GRK5: variants seen among roughly 807,000 people sequenced by gnomAD.
GRK5 encodes the protein G protein-coupled receptor kinase 5.
In GRK5, 40 loss-of-function variants were observed where a neutral mutation model predicts 78.4. The observed-to-expected ratio is 0.51, with a 90% CI of 0.40 to 0.66. The LOEUF (loss-of-function observed/expected upper bound fraction) is 0.66. Ranked by LOEUF, GRK5 falls within the 30% of genes least tolerant of loss-of-function variation. GRK5 has a pLI of 0.00. For synonymous variants in GRK5, 289 were observed against 296.8 expected (o/e 0.97, Z 0.27); for missense variants, 598 against 759.9 (o/e 0.79, Z 2.50).
chr10:119,423,018 C>T (rs1852600863), intron 4 of GRK5, 148 bp from the exon 5 acceptor site: 1 of 676,692 alleles, frequency 1.5e-6, no homozygotes, highest in Non-Finnish European at 2.7e-6. Flanking sequence ...CTGGAGGGGG[C>T]AGCAGGTCAC....
chr10:119,306,681 G>A (rs1050391503), intron 1 of GRK5, among the ~76,000 whole-genome samples: 5 of 152,112 alleles, frequency 3.3e-5, no homozygotes, highest in African/African-American at 4.8e-5. Flanking sequence ...GAGGTGTCAC[G>A]TCTGCCTGAG....
rs945054425 is a variant in GRK5 at position 119,457,703 on chromosome 10, T to C, written c.*2636T>C. ...GCTGCATTTTTTTTTTTTTTTTTTT[T>C]TGAGACAAGATCTCATTGTGTTCCC... On this transcript the variant is annotated 3_prime_UTR_variant, in exon 16 of 16. Coordinates refer to ENST00000392870, the MANE Select transcript of GRK5 (RefSeq NM_005308.3). The C allele has an allele frequency of 2.8e-5, 3 of 106,480 alleles. No individual in the cohort carries two copies. Among genetic ancestry groups the C allele is most frequent in the African/African-American group, 9.1e-5 (3 of 33,128 alleles). The allele number at this position is 106,480 out of a possible 1,614,324, so 6.6% of individuals were successfully genotyped here. A position where few individuals can be genotyped will look rare whatever the true frequency, so the allele number is the denominator to read the frequency against.
chr10:119,440,264 G>T (rs1298949696), intron 10 of GRK5, among the ~76,000 whole-genome samples: 2 of 152,082 alleles, frequency 1.3e-5, no homozygotes, highest in Non-Finnish European at 2.9e-5. Flanking sequence ...AATGTCTCAG[G>T]CATTACGTTT....
chr10:119,393,606 C>G (rs1249808868), intron 3 of GRK5, among the ~76,000 whole-genome samples: 1 of 152,210 alleles, frequency 6.6e-6, no homozygotes, highest in Non-Finnish European at 1.5e-5. Context: ...CGGTGCCGGA[C>G]CAACGGCGGG....
At chr10:119,400,127 G>A (rs973339848) in intron 4 of GRK5, among the ~76,000 whole-genome samples, 1 of 152,246 alleles carries the variant, frequency 6.6e-6, no homozygotes, top group African/African-American at 2.4e-5. Context: ...TGAGCACACT[G>A]TTCCATTGTT....
chr10:119,303,711 G>A (rs1828991474), intron 1 of GRK5, among the ~76,000 whole-genome samples: 1 of 148,460 alleles, frequency 6.7e-6, no homozygotes, highest in African/African-American at 2.5e-5. Context: ...AGGTGGGAGG[G>A]GAGGAGGCTG....
chr10:119,224,706 GC>G (rs1428703715), intron 1 of GRK5, among the ~76,000 whole-genome samples: 1 of 152,134 alleles, frequency 6.6e-6, no homozygotes, highest in African/African-American at 2.4e-5. Flanking sequence ...GAGCCACTGC[GC>G]CCAGCCTAGT....
At chr10:119,357,992 A>G (rs1419887444) in intron 2 of GRK5, among the ~76,000 whole-genome samples, 4 of 152,176 alleles carry the variant, frequency 2.6e-5, no homozygotes, top group Admixed American at 2.6e-4. Flanking sequence ...TGGCTGCATC[A>G]ATCACACCCA....
intron 1 of GRK5, among the ~76,000 whole-genome samples, chr10:119,262,209 CTT>C (rs1173080568): frequency 2.0e-5 from 3 of 151,898 alleles, no homozygotes; most frequent in Non-Finnish European, 4.4e-5. Flanking sequence ...GAAGTACTCT[CTT>C]AGAATTCAGA....
chr10:119,409,924 A>G (rs1426418486), intron 4 of GRK5, among the ~76,000 whole-genome samples: 3 of 152,008 alleles, frequency 2.0e-5, no homozygotes, highest in Non-Finnish European at 4.4e-5. Context: ...CCTGGGCTCC[A>G]TGTGTCAGTG....
chr10:119,405,454 C>G (rs1251924893), intron 4 of GRK5, among the ~76,000 whole-genome samples: 2 of 151,834 alleles, frequency 1.3e-5, no homozygotes, highest in South Asian at 2.1e-4. Flanking sequence ...CAAACGAAAT[C>G]TATTCGTAGT....
At chr10:119,382,485 A>AC (rs1851729194) in intron 3 of GRK5, among the ~76,000 whole-genome samples, 1 of 152,012 alleles carries the variant, frequency 6.6e-6, no homozygotes, top group Non-Finnish European at 1.5e-5. Context: ...ACCCCCAGGC[A>AC]CCCTTCACCC....
At chr10:119,287,421 A>G (rs1849873671) in intron 1 of GRK5, among the ~76,000 whole-genome samples, 1 of 150,456 alleles carries the variant, frequency 6.6e-6, no homozygotes, top group East Asian at 2.0e-4. Flanking sequence ...GGGAGAAGGT[A>G]AGGAGGGAGG....
chr10:119,282,019 C>T (rs1250025766), intron 1 of GRK5, among the ~76,000 whole-genome samples: 1 of 152,140 alleles, frequency 6.6e-6, no homozygotes, highest in Non-Finnish European at 1.5e-5. Flanking sequence ...CCCTTGCCCT[C>T]CCCTCCTTGG....
intron 1 of GRK5, among the ~76,000 whole-genome samples, chr10:119,292,209 C>G (rs1476226116): frequency 7.1e-6 from 1 of 140,366 alleles, no homozygotes; most frequent in African/African-American, 2.6e-5. Flanking sequence ...TCTCCTATTC[C>G]TCCTCCTCCT....
intron 2 of GRK5, chr10:119,335,129 CCTCTCTCTCTCTCTCTCT>C (rs71016564): frequency 4.1e-4 from 4 of 9,872 alleles, no homozygotes; most frequent in Non-Finnish European, 5.4e-4. Flanking sequence ...GCCTGCCTTG[CCTCTCTCTCTCTCTCTCT>C]CTCTCTCTCT....
chr10:119,425,268 TACACAC>T (rs112640010), intron 6 of GRK5, among the ~76,000 whole-genome samples, 183 bp downstream of exon 6: 14 of 126,720 alleles, frequency 1.1e-4, no homozygotes, highest in Middle Eastern at 4.2e-3. Context: ...CACACACACA[TACACAC>T]ACACACACAC....
chr10:119,432,780 C>T (rs1447537925), intron 8 of GRK5, among the ~76,000 whole-genome samples: 3 of 152,182 alleles, frequency 2.0e-5, no homozygotes, highest in African/African-American at 7.2e-5. Context: ...CATCTTTAAA[C>T]CACTACAGGG....
At chr10:119,405,845 T>C (rs1852230569) in intron 4 of GRK5, among the ~76,000 whole-genome samples, 1 of 152,344 alleles carries the variant, frequency 6.6e-6, no homozygotes, top group South Asian at 2.1e-4. Flanking sequence ...CAGTTACCTA[T>C]ACAACGATTT....
Sources: gnomAD v4.1 joint callset for allele counts (sites outside exome capture counted in the v4.1 genomes callset) on GRCh38, gnomAD v4.1.1 for gene constraint, MANE v1.5 for transcripts, NCBI Gene and HGNC (gene_info 2026-07-23, HGNC 2026-07-21) for gene names.